DHX8: variants seen among roughly 807,000 people sequenced by gnomAD.
DHX8 encodes ATP-dependent RNA helicase DHX8.
In DHX8, 67 loss-of-function variants were observed where a neutral mutation model predicts 140.7. The ratio of observed to expected loss-of-function variants is 0.48; its 90% CI spans 0.39 to 0.58. The LOEUF (loss-of-function observed/expected upper bound fraction) is 0.58. Ranked by LOEUF, DHX8 falls within the 20% of genes least tolerant of loss-of-function variation. The pLI, the probability that DHX8 is intolerant of heterozygous loss-of-function variation, is 0.00. For missense variants in DHX8, 887 were observed against 1,550.7 expected (o/e 0.57, Z 7.19); for synonymous variants, 533 against 553.2 (o/e 0.96, Z 0.51).
At chr17:43,485,474 C>T (rs750125953) in intron 1 of DHX8, among the ~76,000 whole-genome samples, 1 of 152,146 alleles carries the variant, frequency 6.6e-6, no homozygotes, top group Non-Finnish European at 1.5e-5. Flanking sequence ...TGCCTCCCAG[C>T]CAAGATGTGT....
intron 2 of DHX8, chr17:43,532,703 T>A (rs1247601324): frequency 1.9e-6 from 3 of 1,613,798 alleles, no homozygotes; most frequent in Non-Finnish European, 2.5e-6. Flanking sequence ...CGTCTGTTCC[T>A]GTTTGATCAC....
chr17:43,533,387 A>G, intron 2 of DHX8: 1 of 1,578,686 alleles, frequency 6.3e-7, no homozygotes, highest in Non-Finnish European at 8.7e-7. Context: ...GGGGCAGAGA[A>G]GCTGGAAAGC....
At chr17:43,522,619 A>G (rs958312303) in intron 22 of DHX8, among the ~76,000 whole-genome samples, 2 of 151,750 alleles carry the variant, frequency 1.3e-5, no homozygotes, top group South Asian at 2.1e-4. Flanking sequence ...ATGGTGGCGC[A>G]TGCCTGTAAT....
chr17:43,517,102 A>G, intron 17 of DHX8, 65 bp from the exon 18 acceptor site: 2 of 1,494,404 alleles, frequency 1.3e-6, no homozygotes, highest in Non-Finnish European at 1.8e-6. Context: ...TTTAACAGAT[A>G]TCCTGGGTAA....
Position 43,520,143 on chromosome 17 carries a change from A to G in DHX8, c.2813A>G (p.Asn938Ser), listed in dbSNP as rs368025386. The change falls in exon 19 of 23, where the codon AAT (asparagine) becomes AGT (serine). Residue 938 changes from asparagine (N) to serine (S), a missense_variant. Physicochemically the swap from Asn to Ser is conservative, Grantham distance 46. Coordinates refer to ENST00000262415, the MANE Select transcript of DHX8 (RefSeq NM_004941.3). ...TVLSLKAMGINDLLSFDFMDA... is the reference protein window; with the variant it reads ...TVLSLKAMGISDLLSFDFMDA... ...TTTCTGTTCTAGGCCATGGGTATCA[A>G]TGATCTGCTGTCCTTTGATTTCATG... 2 of 1,614,050 alleles carry G rather than the reference A, an allele frequency of 1.2e-6. No individual in the cohort carries two copies. Among genetic ancestry groups the G allele is most frequent in the Non-Finnish European group, 1.7e-6 (2 of 1,180,032 alleles).
In DHX8 at chr17:43,520,335, T is replaced by C. The variant is rs571921109; in HGVS notation, c.2937+68T>C. 31 of 1,580,274 alleles carry C rather than the reference T, an allele frequency of 2.0e-5. No homozygotes were observed. The South Asian group carries it at 3.3e-4, about 17-fold the overall frequency. On this transcript the variant is annotated intron_variant, in intron 19 of 22. Coordinates refer to ENST00000262415, the MANE Select transcript of DHX8 (RefSeq NM_004941.3). ...CTGGTCAGCCTTTCACATCCTTCGGTCTGTACAAAATCAGGCTGAGGCCGT... is the reference window on the plus strand; with the variant it reads ...CTGGTCAGCCTTTCACATCCTTCGGCCTGTACAAAATCAGGCTGAGGCCGT...
Position 43,489,458 on chromosome 17 carries a change from T to C in DHX8, c.158T>C (p.Val53Ala), listed in dbSNP as rs753316937. The C allele has an allele frequency of 6.2e-7, 1 of 1,604,972 alleles. No homozygotes were observed. Among genetic ancestry groups the C allele is most frequent in the Admixed American group, 1.7e-5 (1 of 58,462 alleles). The change falls in exon 2 of 23, where the codon GTG (valine) becomes GCG (alanine). Residue 53 changes from valine (V) to alanine (A), a missense_variant. By Grantham distance (64) the Val-to-Ala change is moderately conservative (BLOSUM62 0). Around this residue, in one of 9 missense-constraint regions of DHX8, gnomAD observed 304 missense variants for 306.9 expected, o/e 0.99. Transcript: ENST00000262415. ...GINDKDLAEFVISLAEKNTTF... is the reference protein window; with the variant it reads ...GINDKDLAEFAISLAEKNTTF... ...TGTTTCTTATTTGCAGCTGAATTTGTGATCAGTCTTGCTGAGAAAAATACC... is the reference window on the plus strand; with the variant it reads ...TGTTTCTTATTTGCAGCTGAATTTGCGATCAGTCTTGCTGAGAAAAATACC...
At chr17:43,509,060 A>G (rs1969655386) in intron 16 of DHX8, among the ~76,000 whole-genome samples, 2 of 152,228 alleles carry the variant, frequency 1.3e-5, no homozygotes, top group South Asian at 4.1e-4. Context: ...TTGAGCATCT[A>G]CCAGGCTTTG....
chr17:43,501,449 A>G (rs971825931), intron 11 of DHX8, among the ~76,000 whole-genome samples: 2 of 152,144 alleles, frequency 1.3e-5, no homozygotes, highest in Non-Finnish European at 2.9e-5. Context: ...CTCAATTCTA[A>G]TAGCACTGGG....
intron 1 of DHX8, among the ~76,000 whole-genome samples, chr17:43,487,375 A>G (rs533857598): frequency 3.3e-5 from 5 of 152,184 alleles, no homozygotes; most frequent in Non-Finnish European, 7.3e-5. Context: ...TAGATCTTTC[A>G]TGTTATTTAT....
intron 1 of DHX8, among the ~76,000 whole-genome samples, chr17:43,486,504 A>AT (rs978744352): frequency 6.6e-6 from 1 of 152,106 alleles, no homozygotes; most frequent in African/African-American, 2.4e-5. Flanking sequence ...TCACCAATGA[A>AT]TTTTTTTAAA....
At chr17:43,528,734 CACCAGCCACCTATGGGGAG>C, downstream of DHX8, 1 of 1,613,940 alleles carries the variant, frequency 6.2e-7, no homozygotes, top group Non-Finnish European at 8.5e-7. Context: ...ACGTAACGCT[CACCAGCCACCTATGGGGAG>C]AGAGAAGGTC....
At chr17:43,538,738 A>T (rs776297817) in intron 3 of DHX8, among the ~76,000 whole-genome samples, 23 of 152,136 alleles carry the variant, frequency 1.5e-4, no homozygotes, top group Non-Finnish European at 4.4e-5. Context: ...GAACTTCCTG[A>T]TATTATTCCA....
chr17:43,489,517 A>G lies in DHX8; in HGVS notation c.217A>G (p.Asn73Asp), dbSNP rs1487613045. 1 of 1,605,290 alleles carries G rather than the reference A, an allele frequency of 6.2e-7. No individual in the cohort carries two copies. The highest frequency in any genetic ancestry group is 2.2e-5 in the East Asian group (1 of 44,852). Residue 73 changes from asparagine to aspartate, a missense_variant, in exon 2 of 23, where the codon AAT (asparagine) becomes GAT (aspartate). Physicochemically the swap from Asn to Asp is conservative, Grantham distance 23. Coordinates refer to ENST00000262415, the MANE Select transcript of DHX8 (RefSeq NM_004941.3). Reference sequence around the variant, plus strand: ...TACTTTTAAGGCTTCTCTCGTCAAAAATGGTGCAGAATTTACGGTATGTAT... The same window carrying G: ...TACTTTTAAGGCTTCTCTCGTCAAAGATGGTGCAGAATTTACGGTATGTAT... ...FDTFKASLVK[N>D]GAEFTDSLIS... is the part of the protein sequence containing the mutation.
intron 2 of DHX8, among the ~76,000 whole-genome samples, 187 bp from the exon 3 acceptor site, chr17:43,490,204 C>T (rs1317028035): frequency 1.3e-5 from 2 of 152,172 alleles, no homozygotes; most frequent in South Asian, 2.1e-4. Context: ...TCCTAAATAT[C>T]GGCTTTCTCT....
chr17:43,525,030 G>A lies in DHX8; in HGVS notation c.*1183G>A. ...GCTGCTCTCCAATCCCTGGCGTCAAGCAATCCTCCTGCCTCTGCCTCCCAA... is the reference window on the plus strand; with the variant it reads ...GCTGCTCTCCAATCCCTGGCGTCAAACAATCCTCCTGCCTCTGCCTCCCAA... On this transcript the variant is annotated 3_prime_UTR_variant, in exon 23 of 23. Transcript: ENST00000262415. 3.0e-6 allele frequency: 3 copies of A among 985,208 alleles called. No homozygotes were observed. The highest frequency in any genetic ancestry group is 3.6e-6 in the Non-Finnish European group (3 of 829,946). The allele number at this position is 985,208 out of a possible 1,614,324, so 61.0% of individuals were successfully genotyped here.
At chr17:43,513,754 C>T (rs1202171571) in intron 17 of DHX8, among the ~76,000 whole-genome samples, 1 of 121,422 alleles carries the variant, frequency 8.2e-6, no homozygotes, top group Non-Finnish European at 1.7e-5. Flanking sequence ...ACTCTTGTTG[C>T]CCAGGCTGGA....
At chr17:43,496,703 C>G (rs1271419513) in intron 9 of DHX8, among the ~76,000 whole-genome samples, 1 of 151,994 alleles carries the variant, frequency 6.6e-6, no homozygotes, top group African/African-American at 2.4e-5. Flanking sequence ...TTGCTTGAAC[C>G]CAGGAGACGG....
chr17:43,519,849 A>G (rs4792996), intron 18 of DHX8: 148,892 of 259,232 alleles, frequency 0.57, 44,836 homozygotes, highest in African/African-American at 0.79. Context: ...GCTGAGGCAG[A>G]AGAATCGCTT....
Sources: gnomAD v4.1 joint callset for allele counts (sites outside exome capture counted in the v4.1 genomes callset) on GRCh38, gnomAD v4.1.1 for gene constraint, gnomAD v4.1.1 regional missense constraint, MANE v1.5 for transcripts, NCBI Gene and HGNC (gene_info 2026-07-23, HGNC 2026-07-21) for gene names.